The following CBLB variants were observed in gnomAD, a reference collection of about 807,000 sequenced individuals.
CBLB encodes the protein E3 ubiquitin-protein ligase CBL-B.
In CBLB, 31 loss-of-function variants were observed where a neutral mutation model predicts 104.9. That is an observed-to-expected ratio of 0.30 (90% CI 0.22 to 0.40). The LOEUF (loss-of-function observed/expected upper bound fraction) is 0.40. Among genes scored for constraint, CBLB ranks in the 10% least tolerant of loss-of-function variants. The pLI is 1.00. For missense variants in CBLB, 1,062 were observed against 1,214.6 expected (o/e 0.87, Z 1.87); for synonymous variants, 440 against 422.6 (o/e 1.04, Z -0.51).
intron 6 of CBLB, among the ~76,000 whole-genome samples, chr3:105,744,747 T>C (rs532180843): frequency 2.6e-5 from 4 of 152,020 alleles, no homozygotes; most frequent in South Asian, 2.1e-4. Context: ...CTGACCAACA[T>C]GGTGAAACCC....
chr3:105,797,940 G>T (rs1237067307), intron 3 of CBLB, among the ~76,000 whole-genome samples: 2 of 152,082 alleles, frequency 1.3e-5, no homozygotes, highest in African/African-American at 2.4e-5. Context: ...GTTTCCCCTG[G>T]TTTTACCCAT....
chr3:105,838,666 T>TC (rs1491589505), intron 3 of CBLB, among the ~76,000 whole-genome samples: 1 of 144,098 alleles, frequency 6.9e-6, no homozygotes, highest in African/African-American at 2.6e-5. Flanking sequence ...AATGTATCCT[T>TC]CTTTTTTTTT....
At chr3:105,789,208 T>A (rs1198845685) in intron 3 of CBLB, among the ~76,000 whole-genome samples, 1 of 152,220 alleles carries the variant, frequency 6.6e-6, no homozygotes, top group East Asian at 1.9e-4. Flanking sequence ...CTATTAGAGC[T>A]ACCAATCTAC....
intron 3 of CBLB, among the ~76,000 whole-genome samples, chr3:105,817,111 G>A (rs1560378517): frequency 1.3e-5 from 2 of 152,152 alleles, no homozygotes; most frequent in Admixed American, 6.6e-5. Context: ...CCGTAGTAGT[G>A]AGAAATAAGA....
rs180902922 is a variant in CBLB, at chr3:105,759,980, T to C, written c.567-8362A>G. On this transcript the variant is annotated intron_variant, in intron 4 of 18. Transcript: ENST00000394030. ...AGCTGGGGCCATCATTACTTCTCTG[T>C]ATAGTGGACAAGTATCTTTCACATA... Among the ~76,000 whole-genome samples the C allele has an allele frequency of 1.2e-3, 189 of 152,316 alleles. 1 individual carries two copies. Among genetic ancestry groups the C allele is most frequent in the Non-Finnish European group, 1.2e-4 (8 of 68,018 alleles).
At chr3:105,838,729 A>T (rs1210711015) in intron 3 of CBLB, among the ~76,000 whole-genome samples, 1 of 148,862 alleles carries the variant, frequency 6.7e-6, no homozygotes, top group Admixed American at 6.8e-5. Flanking sequence ...GGCTCACTGC[A>T]ATCTCCACCT....
intron 3 of CBLB, among the ~76,000 whole-genome samples, chr3:105,852,658 C>T (rs1339633864): frequency 1.9e-5 from 2 of 105,044 alleles, no homozygotes; most frequent in African/African-American, 6.8e-5. Context: ...CATTCACTCA[C>T]CGTTCACTCA....
chr3:105,754,949 G>A (rs2076944898), intron 4 of CBLB, among the ~76,000 whole-genome samples: 1 of 151,744 alleles, frequency 6.6e-6, no homozygotes, highest in Non-Finnish European at 1.5e-5. Context: ...ATTAGATAAT[G>A]AGTTCTAGTC....
rs375520168 is a variant in CBLB at position 105,721,773 on chromosome 3, T to C, written c.1204-1523A>G. Among the ~76,000 whole-genome samples the C allele has an allele frequency of 9.3e-4, 141 of 152,268 alleles. 1 individual carries two copies. Among genetic ancestry groups the C allele is most frequent in the Admixed American group, 2.8e-3 (43 of 15,294 alleles). ...ATTTTTGATAACCTCCTTGCAATGA[T>C]ATTTTCTAACACAGGAGTAAATATT... On this transcript the variant is annotated intron_variant, in intron 9 of 18. Coordinates refer to ENST00000394030, the MANE Select transcript of CBLB (RefSeq NM_170662.5).
intron 4 of CBLB, among the ~76,000 whole-genome samples, chr3:105,754,537 G>GAC (rs2076901699): frequency 4.5e-5 from 6 of 134,406 alleles, no homozygotes; most frequent in Admixed American, 1.5e-4. Flanking sequence ...GAGAGAGAGA[G>GAC]AGAGAGAGAG....
intron 3 of CBLB, among the ~76,000 whole-genome samples, chr3:105,813,258 C>G (rs916086670): frequency 1.3e-5 from 2 of 151,954 alleles, no homozygotes; most frequent in Admixed American, 1.3e-4. Flanking sequence ...CTAGATCAAA[C>G]AAAACATGGG....
intron 8 of CBLB, among the ~76,000 whole-genome samples, chr3:105,736,449 T>A (rs149564681): frequency 1.3e-5 from 2 of 152,220 alleles, no homozygotes; most frequent in African/African-American, 4.8e-5. Flanking sequence ...CAGTACAAGA[T>A]GCAGAAGTTC....
intron 17 of CBLB, chr3:105,672,004 T>C: frequency 5.2e-6 from 1 of 190,896 alleles, no homozygotes; most frequent in East Asian, 8.3e-5. Flanking sequence ...TTTTGAAATT[T>C]CCCAAAGATT....
At position 105,655,621 on chromosome 3, in the gene CBLB, C is replaced by A. The variant is rs1476793639; in HGVS notation, c.*3349G>T. On this transcript the variant is annotated 3_prime_UTR_variant, in exon 19 of 19. Coordinates refer to ENST00000394030, the MANE Select transcript of CBLB (RefSeq NM_170662.5). ...AGTTTTAAAAAGGCATTTTAAAAAA[C>A]AATAAAATAGTAATTGGGGAAAAAA... 3 of 187,904 alleles carry A rather than the reference C, an allele frequency of 1.6e-5. No homozygotes were observed. Among genetic ancestry groups the A allele is most frequent in the Admixed American group, 6.2e-5 (1 of 16,158 alleles). The allele number at this position is 187,904 out of a possible 1,614,324, so 11.6% of individuals were successfully genotyped here.
chr3:105,690,915 C>T (rs976510440), intron 13 of CBLB, among the ~76,000 whole-genome samples: 2 of 151,720 alleles, frequency 1.3e-5, no homozygotes, highest in African/African-American at 2.4e-5. Flanking sequence ...GCATTCCATG[C>T]TGGTTTTGTA....
At chr3:105,797,325 T>C (rs538443445) in intron 3 of CBLB, among the ~76,000 whole-genome samples, 2 of 152,146 alleles carry the variant, frequency 1.3e-5, no homozygotes, top group Non-Finnish European at 2.9e-5. Context: ...AGCAAACTAA[T>C]GTAGGAGCAA....
intron 3 of CBLB, among the ~76,000 whole-genome samples, chr3:105,826,424 C>T (rs1168434011): frequency 3.3e-5 from 5 of 152,182 alleles, no homozygotes; most frequent in Non-Finnish European, 7.3e-5. Flanking sequence ...TTTCTTACTC[C>T]ACTCTCCAGT....
chr3:105,862,062 C>G (rs1434185985), intron 2 of CBLB, among the ~76,000 whole-genome samples: 2 of 152,052 alleles, frequency 1.3e-5, no homozygotes, highest in South Asian at 2.1e-4. Context: ...ATGTAGGATT[C>G]TCTTTCCTTC....
Position 105,835,465 on chromosome 3 carries a change from C to T in CBLB, c.419+17949G>A, listed in dbSNP as rs905768524. Among the ~76,000 whole-genome samples the T allele has an allele frequency of 2.6e-5, 4 of 152,252 alleles. No individual in the cohort carries two copies. The East Asian group carries it at 5.8e-4, about 22-fold the overall frequency. ...AGAAATATTTAAATCTTTAATTCAA[C>T]CAACTTGATACTGAAGCCCAACTTA... On this transcript the variant is annotated intron_variant, in intron 3 of 18. Transcript: ENST00000394030.
Sources: allele counts gnomAD v4.1 joint callset (sites outside exome capture counted in the v4.1 genomes callset), GRCh38; gene constraint gnomAD v4.1.1; transcripts MANE v1.5; gene names NCBI Gene and HGNC (gene_info 2026-07-23, HGNC 2026-07-21).